The following HNF4G variants were observed in gnomAD, a reference collection of about 807,000 sequenced individuals.
HNF4G encodes hepatocyte nuclear factor 4 gamma, also known as hepatocyte nuclear factor 4-gamma.
Under a neutral mutation model 50.9 loss-of-function variants are expected in HNF4G, and 21 were observed. The observed-to-expected ratio is 0.41, with a 90% confidence interval of 0.29 to 0.59. The LOEUF is 0.59. HNF4G is among the 20% of genes least tolerant of loss of function. HNF4G has a pLI of 0.26. For synonymous variants in HNF4G, 198 were observed against 185.6 expected (o/e 1.07, Z -0.54); for missense variants, 527 against 559.4 (o/e 0.94, Z 0.58).
At chr8:75,484,981 T>C (rs146251028) in intron 1 of HNF4G, among the ~76,000 whole-genome samples, 1 of 152,328 alleles carries the variant, frequency 6.6e-6, no homozygotes, top group East Asian at 1.9e-4. Flanking sequence ...CGTCTCTGAA[T>C]GTTGTGCACA....
chr8:75,496,930 C>T (rs975826660), intron 2 of HNF4G, among the ~76,000 whole-genome samples: 1 of 152,044 alleles, frequency 6.6e-6, no homozygotes, highest in Non-Finnish European at 1.5e-5. Context: ...GCAGTGTCTA[C>T]TAGATTTAGA....
At chr8:75,473,946 C>G (rs770727368) in intron 1 of HNF4G, among the ~76,000 whole-genome samples, 1 of 151,026 alleles carries the variant, frequency 6.6e-6, no homozygotes, top group Admixed American at 6.6e-5. Context: ...AAAAAACAAA[C>G]GGAAACAAAA....
chr8:75,467,625 A>G (rs988483795), intron 1 of HNF4G, among the ~76,000 whole-genome samples: 1 of 150,584 alleles, frequency 6.6e-6, no homozygotes, highest in African/African-American at 2.4e-5. Flanking sequence ...GTGCCAGTGC[A>G]CTCCAGCCTG....
intron 2 of HNF4G, among the ~76,000 whole-genome samples, chr8:75,533,092 C>T (rs1265146086): frequency 6.6e-6 from 1 of 151,954 alleles, no homozygotes; most frequent in Admixed American, 6.6e-5. Flanking sequence ...ATAAAATGTA[C>T]TCATGTACTC....
chr8:75,522,132 T>G (rs1444923738), intron 2 of HNF4G, among the ~76,000 whole-genome samples: 1 of 152,218 alleles, frequency 6.6e-6, no homozygotes, highest in African/African-American at 2.4e-5. Context: ...TGACAAAAGC[T>G]GTATTCATTA....
At chr8:75,554,426 T>C (rs1456241274) in intron 5 of HNF4G, among the ~76,000 whole-genome samples, 1 of 152,220 alleles carries the variant, frequency 6.6e-6, no homozygotes, top group Non-Finnish European at 1.5e-5. Context: ...ATAACATTTA[T>C]TAATTAGCCA....
intron 1 of HNF4G, among the ~76,000 whole-genome samples, chr8:75,418,312 A>T (rs1308120807): frequency 6.6e-6 from 1 of 152,124 alleles, no homozygotes; most frequent in Non-Finnish European, 1.5e-5. Flanking sequence ...CTGAGGTACT[A>T]CTGGGGGTTA....
At chr8:75,476,097 T>A (rs890626591) in intron 1 of HNF4G, among the ~76,000 whole-genome samples, 11 of 152,194 alleles carry the variant, frequency 7.2e-5, no homozygotes, top group African/African-American at 2.7e-4. Flanking sequence ...ACCTCCCTCC[T>A]GTTCTCCAAT....
intron 1 of HNF4G, among the ~76,000 whole-genome samples, chr8:75,459,593 T>C (rs1811799540): frequency 6.6e-6 from 1 of 152,224 alleles, no homozygotes; most frequent in Admixed American, 6.5e-5. Context: ...CCTGTATAGT[T>C]TGACTTCATT....
At chr8:75,443,730 A>C (rs1811348080) in intron 1 of HNF4G, among the ~76,000 whole-genome samples, 1 of 152,172 alleles carries the variant, frequency 6.6e-6, no homozygotes, top group Non-Finnish European at 1.5e-5. Context: ...TCACCTATCT[A>C]TATTGTGTAC....
rs115963916 is a variant in HNF4G at position 75,549,110 on chromosome 8, G to T, written c.382+1429G>T. On this transcript the variant is annotated intron_variant, in intron 3 of 9. Transcript: ENST00000396423. Reference sequence around the variant, plus strand: ...TTCCTTTATGAGTTTTACAATTTGTGAAATACAATTATGTTTTAAAATAGG... The same window carrying T: ...TTCCTTTATGAGTTTTACAATTTGTTAAATACAATTATGTTTTAAAATAGG... 1.2e-3 allele frequency among the ~76,000 whole-genome samples: 184 copies of T among 152,168 alleles called. 2 individuals carry two copies. The highest frequency in any genetic ancestry group is 4.2e-3 in the African/African-American group (174 of 41,536).
chr8:75,489,172 C>T (rs1313700195), intron 1 of HNF4G, among the ~76,000 whole-genome samples: 2 of 152,196 alleles, frequency 1.3e-5, no homozygotes, highest in Non-Finnish European at 2.9e-5. Context: ...TCCTGCCTTT[C>T]TTCCACCTTC....
intron 1 of HNF4G, among the ~76,000 whole-genome samples, chr8:75,424,537 C>G (rs1810847702): frequency 6.6e-6 from 1 of 152,152 alleles, no homozygotes; most frequent in South Asian, 2.1e-4. Context: ...TTGCCCCTTT[C>G]TCTCCCTCCC....
chr8:75,489,628 C>T (rs1812575929), intron 1 of HNF4G, among the ~76,000 whole-genome samples: 1 of 152,114 alleles, frequency 6.6e-6, no homozygotes, highest in Admixed American at 6.5e-5. Context: ...GTGCTAAGAC[C>T]ATGGTTGAGT....
At chr8:75,452,369 A>G (rs978143769) in intron 1 of HNF4G, among the ~76,000 whole-genome samples, 2 of 152,092 alleles carry the variant, frequency 1.3e-5, no homozygotes, top group Admixed American at 1.3e-4. Flanking sequence ...CACAACCTCA[A>G]GGTTTGTACA....
intron 2 of HNF4G, among the ~76,000 whole-genome samples, chr8:75,511,217 GATTATATAATTA>G (rs1241490936): frequency 1.3e-5 from 2 of 152,004 alleles, no homozygotes; most frequent in Non-Finnish European, 2.9e-5. Context: ...AATTAGTTAG[GATTATATAATTA>G]ATCATTTACC....
rs375937036 is a variant in HNF4G at position 75,543,812 on chromosome 8, T to C, written c.120T>C (p.Asp40=). ...ETMQILYNSS[D]SSAPETSMNT... ...GTAATCTTCCTTTTTTATTGACAGA[T>C]AGTTCTGCCCCAGAGACAAGTATGA... The change falls in exon 2 of 10, where the codon GAT becomes GAC. Residue 40 remains aspartate, a splice_region_variant and synonymous_variant. Transcript: ENST00000396423. 3 of 1,608,104 alleles carry C rather than the reference T, an allele frequency of 1.9e-6. No individual in the cohort carries two copies. In the African/African-American group the frequency reaches 4.0e-5, roughly 22 times the overall value.
intron 1 of HNF4G, among the ~76,000 whole-genome samples, chr8:75,453,824 A>G (rs1811649130): frequency 6.6e-6 from 1 of 152,156 alleles, no homozygotes; most frequent in Non-Finnish European, 1.5e-5. Context: ...AAAATAATAT[A>G]TATCACACAA....
At chr8:75,491,617 A>C (rs79027442) in intron 2 of HNF4G, among the ~76,000 whole-genome samples, 11 of 152,096 alleles carry the variant, frequency 7.2e-5, no homozygotes, top group African/African-American at 2.7e-4. Context: ...GCGGGATTAC[A>C]GGCACATGCC....
Sources: gnomAD v4.1 joint callset for allele counts (sites outside exome capture counted in the v4.1 genomes callset) on GRCh38, gnomAD v4.1.1 for gene constraint, MANE v1.5 for transcripts, NCBI Gene and HGNC (gene_info 2026-07-23, HGNC 2026-07-21) for gene names.